ADGRB3: variants seen among roughly 807,000 people sequenced by gnomAD.
ADGRB3 encodes the protein adhesion G protein-coupled receptor B3, also known as brain-specific angiogenesis inhibitor 3.
Under a neutral mutation model 193.4 loss-of-function variants are expected in ADGRB3, and 37 were observed. The ratio of observed to expected loss-of-function variants is 0.19; its 90% CI spans 0.15 to 0.25. The LOEUF (loss-of-function observed/expected upper bound fraction) is 0.25. Ranked by LOEUF, ADGRB3 falls within the 10% of genes least tolerant of loss-of-function variation. ADGRB3 has a pLI of 1.00. For missense variants in ADGRB3, 1,637 were observed against 1,852.9 expected (o/e 0.88, Z 2.14); for synonymous variants, 690 against 644.2 (o/e 1.07, Z -1.08).
chr6:69,366,780 AT>A (rs1294435900), intron 29 of ADGRB3, among the ~76,000 whole-genome samples: 1 of 152,156 alleles, frequency 6.6e-6, no homozygotes, highest in African/African-American at 2.4e-5. Flanking sequence ...CAAAACAAAA[AT>A]AAAAAGTCAC....
chr6:69,210,648 G>C (rs1019005927), intron 17 of ADGRB3, among the ~76,000 whole-genome samples: 4 of 152,086 alleles, frequency 2.6e-5, no homozygotes, highest in African/African-American at 4.8e-5. Flanking sequence ...TTCCCAAAGT[G>C]TTGGGAATGC....
chr6:68,721,424 A>C (rs896333228), intron 3 of ADGRB3, among the ~76,000 whole-genome samples: 2 of 151,354 alleles, frequency 1.3e-5, no homozygotes, highest in Non-Finnish European at 3.0e-5. Context: ...GGAATTGAAC[A>C]AAGAGAACAC....
intron 6 of ADGRB3, among the ~76,000 whole-genome samples, chr6:68,955,106 C>A (rs1290273237): frequency 6.6e-6 from 1 of 152,148 alleles, no homozygotes; most frequent in Non-Finnish European, 1.5e-5. Flanking sequence ...TTCACAATGA[C>A]CTTCATCCAG....
chr6:68,765,427 T>G (rs912179550), intron 3 of ADGRB3, among the ~76,000 whole-genome samples: 1 of 152,042 alleles, frequency 6.6e-6, no homozygotes, highest in Non-Finnish European at 1.5e-5. Context: ...ATCCGCCTAT[T>G]AACACCGATC....
At chr6:68,978,705 T>C (rs1434169506) in intron 10 of ADGRB3, among the ~76,000 whole-genome samples, 1 of 151,494 alleles carries the variant, frequency 6.6e-6, no homozygotes, top group Non-Finnish European at 1.5e-5. Context: ...ATATAGAACA[T>C]TTGAGACTTC....
chr6:69,089,976 T>A (rs541449391), intron 17 of ADGRB3, among the ~76,000 whole-genome samples: 2 of 152,358 alleles, frequency 1.3e-5, no homozygotes, highest in South Asian at 4.1e-4. Context: ...TGCCCCCAAC[T>A]TAGAATAACA....
At chr6:69,380,926 A>T (rs1769934148) in intron 30 of ADGRB3, among the ~76,000 whole-genome samples, 1 of 151,836 alleles carries the variant, frequency 6.6e-6, no homozygotes, top group Non-Finnish European at 1.5e-5. Context: ...ACATCACCCC[A>T]CTGTGCCATA....
intron 3 of ADGRB3, among the ~76,000 whole-genome samples, chr6:68,696,729 A>G (rs1765165930): frequency 6.6e-6 from 1 of 152,086 alleles, no homozygotes; most frequent in South Asian, 2.1e-4. Flanking sequence ...TTTAACAATC[A>G]TAAAGTGTTC....
At chr6:69,175,800 G>A (rs894045526) in intron 17 of ADGRB3, among the ~76,000 whole-genome samples, 1 of 152,152 alleles carries the variant, frequency 6.6e-6, no homozygotes, top group Non-Finnish European at 1.5e-5. Flanking sequence ...GTTTGTGTCA[G>A]CTATGATTTC....
intron 3 of ADGRB3, among the ~76,000 whole-genome samples, chr6:68,733,234 A>T (rs1045200626): frequency 6.8e-6 from 1 of 148,122 alleles, no homozygotes; most frequent in African/African-American, 2.5e-5. Context: ...TTATATCTAT[A>T]TATATATAAA....
intron 3 of ADGRB3, among the ~76,000 whole-genome samples, chr6:68,705,212 C>T (rs1342392192): frequency 6.6e-6 from 1 of 152,182 alleles, no homozygotes; most frequent in Non-Finnish European, 1.5e-5. Flanking sequence ...ATACAGCATT[C>T]TGTAACACTC....
At chr6:68,908,115 TTTAA>T (rs1262252639) in intron 3 of ADGRB3, among the ~76,000 whole-genome samples, 3 of 151,970 alleles carry the variant, frequency 2.0e-5, no homozygotes, top group African/African-American at 2.4e-5. Flanking sequence ...CAATAAATTA[TTTAA>T]TTAACTATTG....
intron 20 of ADGRB3, among the ~76,000 whole-genome samples, chr6:69,308,409 T>G (rs1561983352): frequency 1.3e-5 from 2 of 149,364 alleles, no homozygotes; most frequent in Non-Finnish European, 3.0e-5. Context: ...GAAGATATGG[T>G]TCAGAGTTCA....
intron 11 of ADGRB3, among the ~76,000 whole-genome samples, chr6:69,008,082 A>G (rs1163754195): frequency 6.6e-6 from 1 of 152,156 alleles, no homozygotes; most frequent in Non-Finnish European, 1.5e-5. Context: ...AGGAGCCCTC[A>G]ATGGCATAAT....
At chr6:68,828,416 G>A (rs1767889613) in intron 3 of ADGRB3, among the ~76,000 whole-genome samples, 1 of 151,918 alleles carries the variant, frequency 6.6e-6, no homozygotes, top group Non-Finnish European at 1.5e-5. Flanking sequence ...CTTCAATTTG[G>A]GAACCTTTAA....
intron 30 of ADGRB3, among the ~76,000 whole-genome samples, chr6:69,381,341 A>G (rs1048850919): frequency 2.0e-5 from 3 of 151,930 alleles, no homozygotes; most frequent in African/African-American, 7.2e-5. Flanking sequence ...TCATGTCCCT[A>G]TCATGAGTAA....
chr6:68,959,480 C>A (rs1431624434), intron 8 of ADGRB3, among the ~76,000 whole-genome samples: 1 of 151,914 alleles, frequency 6.6e-6, no homozygotes, highest in Non-Finnish European at 1.5e-5. Flanking sequence ...AATTTGGAGT[C>A]AAAACAAATT....
chr6:69,007,143 T>C (rs1313714834), intron 11 of ADGRB3, among the ~76,000 whole-genome samples: 3 of 152,144 alleles, frequency 2.0e-5, no homozygotes, highest in African/African-American at 7.2e-5. Context: ...CTCAGCTACC[T>C]GGGCTAAGAA....
chr6:69,352,113 A>G (rs1324146197), intron 26 of ADGRB3, among the ~76,000 whole-genome samples: 1 of 152,214 alleles, frequency 6.6e-6, no homozygotes, highest in Non-Finnish European at 1.5e-5. Context: ...AAAAACAGAT[A>G]TACTTTCTTA....
Sources: allele counts gnomAD v4.1 joint callset (sites outside exome capture counted in the v4.1 genomes callset), GRCh38; gene constraint gnomAD v4.1.1; transcripts MANE v1.5; gene names NCBI Gene and HGNC (gene_info 2026-07-23, HGNC 2026-07-21).